ZBTB7C: variants seen among roughly 807,000 people sequenced by gnomAD.
ZBTB7C encodes the protein zinc finger and BTB domain-containing protein 7C.
A neutral mutation model predicts 25.7 loss-of-function variants in ZBTB7C; 8 were observed. The observed-to-expected ratio is 0.31, with a 90% CI of 0.18 to 0.56. The LOEUF (loss-of-function observed/expected upper bound fraction) is 0.56, where lower values mean the gene tolerates loss of function less well. Among genes scored for constraint, ZBTB7C ranks in the 20% least tolerant of loss-of-function variants. ZBTB7C has a pLI of 0.91. For missense variants in ZBTB7C, 824 were observed against 855.2 expected, an observed-to-expected ratio of 0.96 and a Z score of 0.46; for synonymous variants, 394 against 369.0, an observed-to-expected ratio of 1.07 and a Z score of -0.78.
At chr18:48,064,112 T>C (rs1450046977) in intron 3 of ZBTB7C, among the ~76,000 whole-genome samples, 1 of 152,176 alleles carries the variant, frequency 6.6e-6, no homozygotes, top group Admixed American at 6.5e-5. Flanking sequence ...GTTGGCTCCA[T>C]GCATATGCAG....
chr18:48,108,894 C>A (rs1369572762), intron 3 of ZBTB7C, among the ~76,000 whole-genome samples: 1 of 152,012 alleles, frequency 6.6e-6, no homozygotes, highest in African/African-American at 2.4e-5. Flanking sequence ...TATATGGAAT[C>A]TGTGCATTAG....
chr18:48,383,912 G>A (rs138654553), intron 1 of ZBTB7C, among the ~76,000 whole-genome samples: 14 of 152,122 alleles, frequency 9.2e-5, no homozygotes, highest in Non-Finnish European at 1.5e-4. Flanking sequence ...ATGGAGCCTC[G>A]ACCTAAGCAT....
chr18:48,074,588 T>C lies in ZBTB7C; in HGVS notation c.-16-33465A>G, dbSNP rs58319600. Among the ~76,000 whole-genome samples the C allele has an allele frequency of 1.7e-4, 26 of 152,334 alleles. No individual in the cohort carries two copies. The East Asian group carries it at 4.6e-3, about 27-fold the overall frequency. The stretch of plus-strand genomic sequence containing the variant: ...CAGCTGTGTGCTGAGGCTGCTTCCT[T>C]GCACCTTTCTTGTATGGAGAGGAAG... On this transcript the variant is annotated intron_variant, in intron 3 of 4. Coordinates refer to ENST00000590800, the MANE Select transcript of ZBTB7C (RefSeq NM_001318841.2).
At chr18:48,304,841 CAAAAAA>C (rs35398428) in intron 2 of ZBTB7C, among the ~76,000 whole-genome samples, 2 of 90,378 alleles carry the variant, frequency 2.2e-5, no homozygotes, top group African/African-American at 4.2e-5. Flanking sequence ...GGCTCTACCT[CAAAAAA>C]AAAAAAAAAA....
intron 3 of ZBTB7C, among the ~76,000 whole-genome samples, chr18:48,049,917 G>A (rs776687584): frequency 4.6e-5 from 7 of 152,166 alleles, no homozygotes; most frequent in East Asian, 1.9e-4. Flanking sequence ...CCAGCCAGCC[G>A]ACTCCCACTA....
Position 48,040,333 on chromosome 18 carries a change from G to T in ZBTB7C, c.775C>A (p.Leu259Ile). Residue 259 changes from leucine to isoleucine, a missense_variant, in exon 4 of 5, where the codon CTC becomes ATC. By Grantham distance (5) the Leu-to-Ile change is conservative. This residue lies in a region of ZBTB7C where 316 missense variants were observed against 299.2 expected (regional missense o/e 1.06). Coordinates refer to ENST00000590800, the MANE Select transcript of ZBTB7C (RefSeq NM_001318841.2). Reference protein sequence around the residue: ...SPFAPDFFPHLWPGDFGAFAQ... With the variant: ...SPFAPDFFPHIWPGDFGAFAQ... ...AAGGCACCGAAGTCCCCTGGCCAGAGGTGTGGAAAGAAGTCCGGGGCGAAT... is the reference window on the plus strand; with the variant it reads ...AAGGCACCGAAGTCCCCTGGCCAGATGTGTGGAAAGAAGTCCGGGGCGAAT... The T allele has an allele frequency of 1.9e-6, 3 of 1,601,864 alleles. No homozygotes were observed. Among genetic ancestry groups the T allele is most frequent in the Non-Finnish European group, 2.6e-6 (3 of 1,174,144 alleles).
intron 2 of ZBTB7C, among the ~76,000 whole-genome samples, chr18:48,225,301 C>T (rs1014033700): frequency 7.3e-5 from 10 of 136,068 alleles, no homozygotes; most frequent in Admixed American, 5.3e-4. Flanking sequence ...GGGGAGGAAG[C>T]GAAAAGGGAG....
rs2047166870 is a variant in ZBTB7C at position 48,363,853 on chromosome 18, C to T, written c.-303-25455G>A. On this transcript the variant is annotated intron_variant, in intron 1 of 4. Transcript: ENST00000590800. ...TTAAACATCCCACCCCTCAATCTTA[C>T]CCCACCAACACAAAGCACATCTGTC... 2.6e-5 allele frequency among the ~76,000 whole-genome samples: 4 copies of T among 152,038 alleles called. No homozygotes were observed. In the South Asian group the frequency reaches 8.3e-4, roughly 32 times the overall value.
chr18:48,207,146 T>C (rs1175277641), intron 2 of ZBTB7C, among the ~76,000 whole-genome samples: 4 of 152,228 alleles, frequency 2.6e-5, no homozygotes, highest in African/African-American at 4.8e-5. Context: ...GCAACCAGAA[T>C]GGCTGAAGTG....
At chr18:48,247,958 T>C (rs115778210) in intron 2 of ZBTB7C, among the ~76,000 whole-genome samples, 12,637 of 152,246 alleles carry the variant, frequency 0.083, 767 homozygotes, top group East Asian at 0.18. Context: ...GTGGAGATAA[T>C]TGAATCATGG....
At chr18:48,249,685 T>C (rs916851218) in intron 2 of ZBTB7C, among the ~76,000 whole-genome samples, 1 of 152,238 alleles carries the variant, frequency 6.6e-6, no homozygotes, top group Admixed American at 6.5e-5. Context: ...TCTAACAGGT[T>C]AGATTCTGAA....
intron 3 of ZBTB7C, among the ~76,000 whole-genome samples, chr18:48,089,347 G>A (rs779807000): frequency 1.3e-5 from 2 of 151,772 alleles, no homozygotes; most frequent in African/African-American, 4.8e-5. Flanking sequence ...GTGGGCGCCT[G>A]TATAATCCCA....
intron 2 of ZBTB7C, among the ~76,000 whole-genome samples, chr18:48,290,338 T>C (rs565962154): frequency 6.6e-6 from 1 of 152,288 alleles, no homozygotes; most frequent in South Asian, 2.1e-4. Flanking sequence ...GTCCCAGCCG[T>C]ACTAGAAGGG....
intron 4 of ZBTB7C, among the ~76,000 whole-genome samples, chr18:48,039,119 A>G (rs1470920687): frequency 6.6e-6 from 1 of 152,242 alleles, no homozygotes. Flanking sequence ...TGAAAGATGA[A>G]AGGTTTATAA....
chr18:48,213,182 G>A (rs944628285), intron 2 of ZBTB7C, among the ~76,000 whole-genome samples: 6 of 152,216 alleles, frequency 3.9e-5, no homozygotes, highest in Non-Finnish European at 5.9e-5. Context: ...AAGAAGATGC[G>A]GGCCAGAATG....
intron 3 of ZBTB7C, among the ~76,000 whole-genome samples, chr18:48,147,147 G>A (rs34699687): frequency 0.044 from 6,697 of 152,094 alleles, 168 homozygotes; most frequent in African/African-American, 0.047. Context: ...ATGCCATCTC[G>A]GCTCACTGCA....
intron 3 of ZBTB7C, among the ~76,000 whole-genome samples, chr18:48,182,422 A>G (rs1261450460): frequency 6.6e-6 from 1 of 152,244 alleles, no homozygotes; most frequent in Non-Finnish European, 1.5e-5. Flanking sequence ...CGAACTTCAG[A>G]AGGTAAGTGT....
At chr18:48,193,138 T>G (rs565003093) in intron 2 of ZBTB7C, among the ~76,000 whole-genome samples, 1 of 152,276 alleles carries the variant, frequency 6.6e-6, no homozygotes, top group African/African-American at 2.4e-5. Context: ...TGTTAGAGAC[T>G]GTGTGAGAAA....
chr18:48,293,342 C>T (rs1202921250), intron 2 of ZBTB7C, among the ~76,000 whole-genome samples: 1 of 152,204 alleles, frequency 6.6e-6, no homozygotes, highest in African/African-American at 2.4e-5. Flanking sequence ...ACCCTAATGA[C>T]CTCATCTGAC....
Sources: gnomAD v4.1 joint callset for allele counts (sites outside exome capture counted in the v4.1 genomes callset) on GRCh38, gnomAD v4.1.1 for gene constraint, gnomAD v4.1.1 regional missense constraint, MANE v1.5 for transcripts, NCBI Gene and HGNC (gene_info 2026-07-23, HGNC 2026-07-21) for gene names.